The following EMCN variants were observed in gnomAD, a reference collection of about 807,000 sequenced individuals.
EMCN encodes endomucin.
Under a neutral mutation model 38.4 loss-of-function variants are expected in EMCN, and 37 were observed. That is an observed-to-expected ratio of 0.96 (90% CI 0.74 to 1.27). The LOEUF is 1.27. Ranked by LOEUF, EMCN falls within the 50% of genes most tolerant of loss-of-function variation. The pLI is 0.00. For missense variants in EMCN, 318 were observed against 302.8 expected (o/e 1.05, Z -0.37); for synonymous variants, 95 against 100.8 (o/e 0.94, Z 0.35).
At chr4:100,414,913 A>T (rs531171778) in intron 10 of EMCN, among the ~76,000 whole-genome samples, 6 of 151,874 alleles carry the variant, frequency 4.0e-5, no homozygotes, top group African/African-American at 1.4e-4. Context: ...CTATATTTTT[A>T]TTTTTTTTAT....
At chr4:100,485,235 T>C (rs1471239448) in intron 1 of EMCN, among the ~76,000 whole-genome samples, 2 of 152,164 alleles carry the variant, frequency 1.3e-5, no homozygotes, top group African/African-American at 4.8e-5. Flanking sequence ...TCTACAAATT[T>C]ATATGGTCTT....
At chr4:100,451,760 A>G (rs1727845071) in intron 4 of EMCN, among the ~76,000 whole-genome samples, 1 of 151,976 alleles carries the variant, frequency 6.6e-6, no homozygotes. Context: ...CTTATTTGTG[A>G]AATTGGTATC....
At chr4:100,515,441 A>AT (rs1329597883) in intron 1 of EMCN, among the ~76,000 whole-genome samples, 1 of 152,160 alleles carries the variant, frequency 6.6e-6, no homozygotes, top group Non-Finnish European at 1.5e-5. Flanking sequence ...CAACCAAGTA[A>AT]TAAAAAGTAA....
At position 100,421,142 on chromosome 4, in the gene EMCN, C is replaced by T. The variant is rs906869759; in HGVS notation, c.664+140G>A. 22 of 769,604 alleles carry T rather than the reference C, an allele frequency of 2.9e-5. No homozygotes were observed. The East Asian group carries it at 3.8e-4, about 13-fold the overall frequency. The allele number at this position is 769,604 out of a possible 1,614,324, so 47.7% of individuals were successfully genotyped here. ...GCATTCAGTGGGTGTCTGTGCCCTT[C>T]GTCCTTTGTTTCTGTGATCAGGAAA... On this transcript the variant is annotated intron_variant, in intron 8 of 11. Coordinates refer to ENST00000296420, the MANE Select transcript of EMCN (RefSeq NM_016242.4).
chr4:100,399,227 G>T (rs926072270), intron 11 of EMCN, among the ~76,000 whole-genome samples: 5 of 152,176 alleles, frequency 3.3e-5, no homozygotes, highest in African/African-American at 2.4e-5. Context: ...AAGAGATGGA[G>T]ACTTCTATGT....
At chr4:100,491,586 C>A (rs987933635) in intron 1 of EMCN, among the ~76,000 whole-genome samples, 7 of 152,206 alleles carry the variant, frequency 4.6e-5, no homozygotes, top group African/African-American at 1.7e-4. Flanking sequence ...TGATCAGCAA[C>A]TCCACCTAAC....
At chr4:100,406,022 G>T (rs2110206512) in intron 11 of EMCN, among the ~76,000 whole-genome samples, 1 of 151,758 alleles carries the variant, frequency 6.6e-6, no homozygotes, top group South Asian at 2.1e-4. Flanking sequence ...AAAGATGTTT[G>T]TAATAGTCTC....
At chr4:100,443,181 G>A (rs1727570329) in intron 5 of EMCN, among the ~76,000 whole-genome samples, 1 of 152,212 alleles carries the variant, frequency 6.6e-6, no homozygotes, top group Non-Finnish European at 1.5e-5. Context: ...TTTTCAGAGA[G>A]TTTGTAATTT....
intron 11 of EMCN, among the ~76,000 whole-genome samples, chr4:100,405,835 G>A (rs1302518595): frequency 6.6e-6 from 1 of 152,010 alleles, no homozygotes; most frequent in Non-Finnish European, 1.5e-5. Context: ...GAATTCAGCT[G>A]TGAATCTGTC....
Position 100,411,429 on chromosome 4 carries a change from G to A in EMCN, c.752-1074C>T, listed in dbSNP as rs138199832. Reference sequence around the variant, plus strand: ...TAGTATCTGCCAGAAGTCATGCAAAGCAAGTCATTGAAAATCTTTACAATT... The same window carrying A: ...TAGTATCTGCCAGAAGTCATGCAAAACAAGTCATTGAAAATCTTTACAATT... On this transcript the variant is annotated intron_variant, in intron 10 of 11. Transcript: ENST00000296420. 6.2e-3 allele frequency among the ~76,000 whole-genome samples: 950 copies of A among 152,270 alleles called. 17 individuals are homozygous for A. The highest frequency in any genetic ancestry group is 0.021 in the African/African-American group (876 of 41,552).
chr4:100,490,588 A>C (rs1316910129), intron 1 of EMCN, among the ~76,000 whole-genome samples: 1 of 152,174 alleles, frequency 6.6e-6, no homozygotes, highest in Non-Finnish European at 1.5e-5. Context: ...AGATACATGC[A>C]TACTTACCAT....
intron 1 of EMCN, among the ~76,000 whole-genome samples, chr4:100,483,946 C>T (rs1728877079): frequency 6.6e-6 from 1 of 152,030 alleles, no homozygotes; most frequent in Admixed American, 6.6e-5. Flanking sequence ...CAAATTGAGC[C>T]TCATGACTTT....
At chr4:100,412,775 C>T (rs1726600277) in intron 10 of EMCN, among the ~76,000 whole-genome samples, 1 of 152,076 alleles carries the variant, frequency 6.6e-6, no homozygotes, top group Non-Finnish European at 1.5e-5. Context: ...CAAATTTAAA[C>T]ATGCATGAGT....
chr4:100,506,311 A>G (rs1208295568), intron 1 of EMCN, among the ~76,000 whole-genome samples: 1 of 152,146 alleles, frequency 6.6e-6, no homozygotes, highest in Non-Finnish European at 1.5e-5. Flanking sequence ...TATCTTTTCG[A>G]TATCCATTGA....
intron 6 of EMCN, 59 bp downstream of exon 6, chr4:100,423,253 T>A: frequency 1.4e-6 from 2 of 1,426,582 alleles, no homozygotes; most frequent in East Asian, 4.6e-5. Context: ...ATTGTTAGGG[T>A]TTCAGTCAAG....
intron 4 of EMCN, among the ~76,000 whole-genome samples, chr4:100,464,779 G>T (rs1728270230): frequency 6.6e-6 from 1 of 151,752 alleles, no homozygotes; most frequent in Non-Finnish European, 1.5e-5. Flanking sequence ...ATTTTATCGA[G>T]GATATTTGCA....
Position 100,410,273 on chromosome 4 carries a change from G to T in EMCN, c.*39+9C>A, listed in dbSNP as rs1345050750. Reference sequence around the variant, plus strand: ...TGATTGTCTCCGTGAATGAAATTGGGAAACTTACGTAATTATTGCCTAGGT... The same window carrying T: ...TGATTGTCTCCGTGAATGAAATTGGTAAACTTACGTAATTATTGCCTAGGT... On this transcript the variant is annotated intron_variant, in intron 11 of 11. Transcript: ENST00000296420. 1.3e-6 allele frequency: 2 copies of T among 1,572,116 alleles called. No homozygotes were observed. Among genetic ancestry groups the T allele is most frequent in the Admixed American group, 3.3e-5 (2 of 59,856 alleles).
At chr4:100,501,323 G>A (rs908955214) in intron 1 of EMCN, among the ~76,000 whole-genome samples, 7 of 151,970 alleles carry the variant, frequency 4.6e-5, no homozygotes, top group African/African-American at 7.2e-5. Context: ...TCACTGCTCC[G>A]TTATACCATC....
In EMCN at chr4:100,415,849, G is replaced by T. The variant is rs1011123615; in HGVS notation, c.751+49C>A. The T allele has an allele frequency of 3.1e-6, 4 of 1,288,908 alleles. No individual in the cohort carries two copies. The African/African-American group carries it at 4.6e-5, about 15-fold the overall frequency. The allele number at this position is 1,288,908 out of a possible 1,614,324, so 79.8% of individuals were successfully genotyped here. The stretch of plus-strand genomic sequence containing the variant: ...TGAACAAAATCCAAGGTTATAGTTA[G>T]ATTCTAAAATAACTAATTTTCATCT... On this transcript the variant is annotated intron_variant, in intron 10 of 11. Transcript: ENST00000296420.
Sources: allele counts gnomAD v4.1 joint callset (sites outside exome capture counted in the v4.1 genomes callset), GRCh38; gene constraint gnomAD v4.1.1; transcripts MANE v1.5; gene names NCBI Gene and HGNC (gene_info 2026-07-23, HGNC 2026-07-21).